Variants in CPNE4 observed in about 807,000 individuals in gnomAD.
CPNE4 encodes copine 4.
A neutral mutation model predicts 67.9 loss-of-function variants in CPNE4; 25 were observed. That is an observed-to-expected ratio of 0.37 (90% CI 0.27 to 0.51). The LOEUF (loss-of-function observed/expected upper bound fraction) is 0.51. Among genes scored for constraint, CPNE4 ranks in the 20% least tolerant of loss-of-function variants. CPNE4 has a pLI of 0.93. For missense variants in CPNE4, 464 were observed against 690.8 expected (o/e 0.67, Z 3.68); for synonymous variants, 242 against 244.9 (o/e 0.99, Z 0.11).
chr3:131,978,102 TA>T lies in CPNE4; in HGVS notation c.-2+56464del, dbSNP rs1560720341. ...AAATATATATAAATATATATATAAA[TA>T]TATATAAAATATATATAAATATATA... On this transcript the variant is annotated intron_variant, in intron 1 of 15. Transcript: ENST00000429747. Among the ~76,000 whole-genome samples, 120 of 70,578 alleles carry T rather than the reference TA, an allele frequency of 1.7e-3. 2 individuals are homozygous for T. The highest frequency in any genetic ancestry group is 2.2e-3 in the African/African-American group (22 of 9,984). The allele number at this position is 70,578 out of a possible 152,430, so 46.3% of individuals were successfully genotyped here. A position where few individuals can be genotyped will look rare whatever the true frequency, so the allele number is the denominator to read the frequency against.
chr3:131,735,039 C>A (rs2082204470), intron 2 of CPNE4, among the ~76,000 whole-genome samples: 1 of 152,150 alleles, frequency 6.6e-6, no homozygotes, highest in Non-Finnish European at 1.5e-5. Context: ...GCACAGCGTG[C>A]CTACAAGGTC....
At chr3:131,715,360 C>G (rs1434757273) in intron 3 of CPNE4, among the ~76,000 whole-genome samples, 1 of 152,206 alleles carries the variant, frequency 6.6e-6, no homozygotes, top group Non-Finnish European at 1.5e-5. Context: ...AGAAACAAGA[C>G]ACCAAAAACT....
chr3:131,823,622 T>C (rs904139552), intron 2 of CPNE4, among the ~76,000 whole-genome samples: 1 of 152,228 alleles, frequency 6.6e-6, no homozygotes, highest in Non-Finnish European at 1.5e-5. Flanking sequence ...CAACTTCTAA[T>C]GAATGCAAAA....
rs987658747 is a variant in CPNE4, at chr3:131,885,416, G to C, written c.180+19848C>G. Among the ~76,000 whole-genome samples, 8 of 151,440 alleles carry C rather than the reference G, an allele frequency of 5.3e-5. No individual in the cohort carries two copies. In the East Asian group the frequency reaches 1.6e-3, roughly 29 times the overall value. On this transcript the variant is annotated intron_variant, in intron 2 of 15. Transcript: ENST00000429747. ...ATAGTATAGTATTATAGTAATAATA[G>C]GTTAATAGATGCAGACCCATGCAAG... is the stretch of plus-strand genomic sequence containing the variant.
chr3:131,723,689 A>G (rs2081939962), intron 2 of CPNE4, 64 bp from the exon 3 acceptor site: 2 of 1,431,424 alleles, frequency 1.4e-6, no homozygotes, highest in African/African-American at 2.8e-5. Flanking sequence ...CGTTCAAGAA[A>G]ATTCATCTCA....
chr3:131,559,782 G>A (rs985468324), intron 11 of CPNE4, among the ~76,000 whole-genome samples: 10 of 151,972 alleles, frequency 6.6e-5, no homozygotes, highest in Admixed American at 5.2e-4. Flanking sequence ...TGAAGAGCTT[G>A]CTCATTTTTT....
At chr3:131,975,465 C>T (rs888655226) in intron 1 of CPNE4, among the ~76,000 whole-genome samples, 1 of 152,206 alleles carries the variant, frequency 6.6e-6, no homozygotes, top group African/African-American at 2.4e-5. Flanking sequence ...CCATTGCTAT[C>T]AGCCTAGGCT....
At chr3:131,637,958 TAC>T (rs1325105935) in intron 7 of CPNE4, among the ~76,000 whole-genome samples, 1 of 152,018 alleles carries the variant, frequency 6.6e-6, no homozygotes, top group African/African-American at 2.4e-5. Context: ...GAAGGAAAGA[TAC>T]AGCCTTTTCC....
At chr3:131,584,607 A>G (rs1056173942) in intron 8 of CPNE4, among the ~76,000 whole-genome samples, 9 of 152,292 alleles carry the variant, frequency 5.9e-5, no homozygotes, top group Admixed American at 5.9e-4. Context: ...CTCTTTAATT[A>G]TCTACACAGT....
intron 3 of CPNE4, among the ~76,000 whole-genome samples, chr3:131,715,978 A>T (rs1031408804): frequency 6.6e-6 from 1 of 152,146 alleles, no homozygotes; most frequent in African/African-American, 2.4e-5. Flanking sequence ...TGTCCTCGTG[A>T]TGCATCCCCC....
At chr3:131,998,331 T>A (rs999529444) in intron 1 of CPNE4, among the ~76,000 whole-genome samples, 1 of 152,128 alleles carries the variant, frequency 6.6e-6, no homozygotes, top group Non-Finnish European at 1.5e-5. Flanking sequence ...GTTTCTTCCT[T>A]CAACCTTACC....
In CPNE4 at chr3:131,995,201, C is replaced by T. The variant is rs141447180; in HGVS notation, c.-2+39366G>A. Among the ~76,000 whole-genome samples, 384 of 152,250 alleles carry T rather than the reference C, an allele frequency of 2.5e-3. 1 individual carries two copies. Among genetic ancestry groups the T allele is most frequent in the African/African-American group, 8.2e-3 (339 of 41,534 alleles). On this transcript the variant is annotated intron_variant, in intron 1 of 15. Transcript: ENST00000429747. ...CAGAATTCACACACACAAACACACA[C>T]ACTCTCACACACTCACACACCTGTT... is the stretch of plus-strand genomic sequence containing the variant.
intron 1 of CPNE4, among the ~76,000 whole-genome samples, chr3:131,960,662 C>G (rs893454908): frequency 6.6e-6 from 1 of 152,172 alleles, no homozygotes; most frequent in Non-Finnish European, 1.5e-5. Flanking sequence ...GATGAAACTA[C>G]TGACTTAGCT....
At chr3:131,796,019 T>C (rs1177242250) in intron 2 of CPNE4, among the ~76,000 whole-genome samples, 4 of 152,206 alleles carry the variant, frequency 2.6e-5, no homozygotes, top group South Asian at 2.1e-4. Flanking sequence ...CATTCTTCAG[T>C]TGACATCTCC....
chr3:131,786,358 T>G (rs2083562954), intron 2 of CPNE4, among the ~76,000 whole-genome samples: 1 of 152,164 alleles, frequency 6.6e-6, no homozygotes, highest in African/African-American at 2.4e-5. Context: ...TTTTCATGTG[T>G]GATCCCTTAT....
At position 131,639,603 on chromosome 3, in the gene CPNE4, A is replaced by G. The variant is rs1183705431; in HGVS notation, c.681+30072T>C. Among the ~76,000 whole-genome samples, 3 of 152,072 alleles carry G rather than the reference A, an allele frequency of 2.0e-5. No individual in the cohort carries two copies. In the East Asian group the frequency reaches 5.8e-4, roughly 29 times the overall value. On this transcript the variant is annotated intron_variant, in intron 7 of 15. Transcript: ENST00000429747. Reference sequence around the variant, plus strand: ...CCAAAGAAGAACTGGTACCAATTCTATTGACGTTATTACAAAAGACAGAGA... The same window carrying G: ...CCAAAGAAGAACTGGTACCAATTCTGTTGACGTTATTACAAAAGACAGAGA...
At chr3:131,964,937 T>C (rs1014718325) in intron 1 of CPNE4, among the ~76,000 whole-genome samples, 1 of 151,742 alleles carries the variant, frequency 6.6e-6, no homozygotes, top group Admixed American at 6.6e-5. Flanking sequence ...TTCTCCAAGG[T>C]TGAAATGAAG....
At chr3:131,716,233 C>T (rs1192899728) in intron 3 of CPNE4, among the ~76,000 whole-genome samples, 1 of 131,422 alleles carries the variant, frequency 7.6e-6, no homozygotes, top group African/African-American at 2.8e-5. Context: ...GCGAGTACTA[C>T]AGCAGCCTTC....
At chr3:131,615,879 CAT>C (rs1491434303) in intron 7 of CPNE4, among the ~76,000 whole-genome samples, 11 of 144,724 alleles carry the variant, frequency 7.6e-5, no homozygotes, top group Non-Finnish European at 1.5e-4. Flanking sequence ...AGCAAAACCC[CAT>C]CTCTCTCTCT....
Sources: allele counts gnomAD v4.1 joint callset (sites outside exome capture counted in the v4.1 genomes callset), GRCh38; gene constraint gnomAD v4.1.1; transcripts MANE v1.5; gene names NCBI Gene and HGNC (gene_info 2026-07-23, HGNC 2026-07-21).